Variants in TPRX1 observed in about 807,000 individuals in gnomAD.
TPRX1 encodes the protein tetra-peptide repeat homeobox protein 1.
In TPRX1, 2 loss-of-function variants were observed where a neutral mutation model predicts 8.1. That is an observed-to-expected ratio of 0.25 (90% CI 0.10 to 0.78). The LOEUF (loss-of-function observed/expected upper bound fraction) is 0.78, where lower values mean the gene tolerates loss of function less well. Among genes scored for constraint, TPRX1 ranks in the 30% least tolerant of loss-of-function variants. The pLI is 0.70. For synonymous variants in TPRX1, 257 were observed against 254.1 expected, an observed-to-expected ratio of 1.01 and a Z score of -0.11; for missense variants, 517 against 586.9, an observed-to-expected ratio of 0.88 and a Z score of 1.23.
chr19:47,801,498 GC>G (rs1967662661), exon 4 of TPRX1: 2 of 354,562 alleles, frequency 5.6e-6, no homozygotes, highest in South Asian at 1.4e-4. Flanking sequence ...CCTGGGAAAA[GC>G]CCTTTAGAAA....
At chr19:47,811,248 C>T (rs1234542040) in intron 2 of TPRX1, among the ~76,000 whole-genome samples, 2 of 151,870 alleles carry the variant, frequency 1.3e-5, no homozygotes, top group Non-Finnish European at 2.9e-5. Context: ...AGGTGGTCAG[C>T]CCTCCTCAGC....
At chr19:47,802,139 C>T (rs933943164) in exon 4 of TPRX1, 1 of 1,589,346 alleles carries the variant, frequency 6.3e-7, no homozygotes, top group Admixed American at 1.8e-5. Context: ...TCGCATCCGG[C>T]CAGGACTTAA....
chr19:47,805,320 C>G (rs777653845), intron 2 of TPRX1, among the ~76,000 whole-genome samples: 6 of 152,148 alleles, frequency 3.9e-5, no homozygotes, highest in Non-Finnish European at 8.8e-5. Context: ...GCTGCATAGA[C>G]CTGTATCAGG....
At chr19:47,818,492 G>A (rs1316214243) in exon 2 of TPRX1, 17 of 455,940 alleles carry the variant, frequency 3.7e-5, no homozygotes, top group South Asian at 2.3e-4. Context: ...GACAGTCCTA[G>A]GTACTGGGAA....
At chr19:47,818,045 C>T (rs1291859843) in intron 2 of TPRX1, among the ~76,000 whole-genome samples, 1 of 152,192 alleles carries the variant, frequency 6.6e-6, no homozygotes, top group African/African-American at 2.4e-5. Context: ...CAATATGATC[C>T]CTGAAGCATC....
exon 4 of TPRX1, chr19:47,802,016 G>A (rs1568613285): frequency 1.2e-6 from 2 of 1,611,818 alleles, no homozygotes. Context: ...AGGCCATAAG[G>A]GGGCTGGGGC....
intron 3 of TPRX1, 112 bp from the exon 3 acceptor site, chr19:47,803,092 C>G (rs1967697551): frequency 1.6e-6 from 2 of 1,258,420 alleles, no homozygotes; most frequent in East Asian, 5.3e-5. Flanking sequence ...AACAGCCCCC[C>G]ATCCCCCACC....
chr19:47,806,817 T>C (rs961873814), intron 2 of TPRX1, among the ~76,000 whole-genome samples: 26 of 151,960 alleles, frequency 1.7e-4, no homozygotes, highest in Non-Finnish European at 1.3e-4. Flanking sequence ...GGAATAGCTA[T>C]GGAGATAGCT....
In TPRX1 at chr19:47,801,864, C is replaced by T. The variant is rs1967666835; in HGVS notation, c.1438G>A (p.Gly480Ser). ...GGCTGAGACCCTGAGTGTTTTTTGC[C>T]CATAGAGTCATCCCCTTCTTGGTAC... Residue 480 changes from glycine (G) to serine (S), a missense_variant, in exon 4 of 4, where the codon GGC becomes AGC. Physicochemically the swap from Gly to Ser is moderately conservative, Grantham distance 56. Transcript: ENST00000535759. 6.2e-6 allele frequency: 10 copies of T among 1,613,862 alleles called. No individual in the cohort carries two copies. In the Admixed American group the frequency reaches 1.3e-4, roughly 22 times the overall value.
rs764815014 is a variant in TPRX1 at position 47,801,764 on chromosome 19, G to A, written c.*11C>T. 20 of 1,601,540 alleles carry A rather than the reference G, an allele frequency of 1.2e-5. No individual in the cohort carries two copies. The Admixed American group carries it at 3.4e-4, about 27-fold the overall frequency. On this transcript the variant is annotated 3_prime_UTR_variant, in exon 4 of 4. Coordinates refer to ENST00000535759, the Ensembl canonical transcript of TPRX1. Reference sequence around the variant, plus strand: ...CTCTGGGATCTGAAGAACTTTGCAGGCACAGGCCCCCTATAAATCCAGTAA... The same window carrying A: ...CTCTGGGATCTGAAGAACTTTGCAGACACAGGCCCCCTATAAATCCAGTAA...
At chr19:47,815,990 C>T (rs1051223907) in intron 2 of TPRX1, among the ~76,000 whole-genome samples, 15 of 152,068 alleles carry the variant, frequency 9.9e-5, no homozygotes, top group South Asian at 4.2e-4. Context: ...TCATGTGTAG[C>T]GGGGTAGTTG....
chr19:47,818,071 T>G (rs541108424), intron 2 of TPRX1, among the ~76,000 whole-genome samples: 1 of 152,292 alleles, frequency 6.6e-6, no homozygotes, highest in South Asian at 2.1e-4. Context: ...ATTCAAACAC[T>G]AGTGGGCAGC....
intron 2 of TPRX1, among the ~76,000 whole-genome samples, chr19:47,816,101 G>C (rs1396448283): frequency 6.6e-6 from 1 of 151,934 alleles, no homozygotes; most frequent in Non-Finnish European, 1.5e-5. Context: ...ATCTTGCTCT[G>C]TTGCCCAGGC....
At chr19:47,810,342 C>A in intron 2 of TPRX1, among the ~76,000 whole-genome samples, 2 of 132,322 alleles carry the variant, frequency 1.5e-5, no homozygotes, top group East Asian at 2.2e-4. Flanking sequence ...CCTTATCCAT[C>A]AATTTTTTTT....
chr19:47,815,164 T>TATATAGGCAAATATATATATATATATA (rs1228376903), intron 2 of TPRX1, among the ~76,000 whole-genome samples: 1 of 49,910 alleles, frequency 2.0e-5, no homozygotes. Flanking sequence ...ATATATATAT[T>TATATAGGCAAATATATATATATATATA]TTTTTTTTTT....
rs143765247 is a variant in TPRX1 at position 47,818,312 on chromosome 19, C to CCCATCCAT, written c.151+148_151+155dup. ...CATCCATCCATCCACCCATCCATCA[C>CCCATCCAT]CCATCCATCCATCCATCCATCCATC... On this transcript the variant is annotated intron_variant, in intron 2 of 3. Transcript: ENST00000535759. Among the ~76,000 whole-genome samples, 291 of 101,874 alleles carry CCCATCCAT rather than the reference C, an allele frequency of 2.9e-3. 11 individuals carry two copies. Among genetic ancestry groups the CCCATCCAT allele is most frequent in the East Asian group, 0.016 (55 of 3,394 alleles). 66.8% of individuals were successfully genotyped at this position (101,874 alleles called of 152,430 possible). A position where few individuals can be genotyped will look rare whatever the true frequency, so the allele number is the denominator to read the frequency against.
chr19:47,818,686 G>C, intron 1 of TPRX1: 1 of 382,904 alleles, frequency 2.6e-6, no homozygotes, highest in Non-Finnish European at 5.2e-6. Context: ...TCAACAACCT[G>C]ATCCAAGGAT....
intron 2 of TPRX1, among the ~76,000 whole-genome samples, chr19:47,815,551 G>A (rs1967832011): frequency 6.8e-6 from 1 of 146,044 alleles, no homozygotes; most frequent in East Asian, 2.1e-4. Flanking sequence ...GCTCATGCCT[G>A]TAATCCCAGC....
At chr19:47,818,659 G>A (rs1967873516) in intron 1 of TPRX1, 1 of 414,390 alleles carries the variant, frequency 2.4e-6, no homozygotes. Flanking sequence ...CTGCAGTAGA[G>A]CCTGGAGTGA....
Sources: allele counts gnomAD v4.1 joint callset (sites outside exome capture counted in the v4.1 genomes callset), GRCh38; gene constraint gnomAD v4.1.1; transcripts MANE v1.5; gene names NCBI Gene and HGNC (gene_info 2026-07-23, HGNC 2026-07-21).